Variants in ARHGAP24 observed in about 807,000 individuals in gnomAD.
ARHGAP24 encodes Rho GTPase activating protein 24, also known as rho GTPase-activating protein 24.
In ARHGAP24, 50 loss-of-function variants were observed where a neutral mutation model predicts 76.4. The ratio of observed to expected loss-of-function variants is 0.65; its 90% CI spans 0.52 to 0.83. The LOEUF (loss-of-function observed/expected upper bound fraction) is 0.83. ARHGAP24 is among the 40% of genes least tolerant of loss of function. The pLI is 0.00. For missense variants in ARHGAP24, 930 were observed against 914.2 expected (o/e 1.02, Z -0.22); for synonymous variants, 345 against 323.3 (o/e 1.07, Z -0.72).
intron 3 of ARHGAP24, among the ~76,000 whole-genome samples, chr4:85,910,093 C>T (rs897255627): frequency 3.3e-5 from 5 of 152,192 alleles, no homozygotes; most frequent in Admixed American, 6.5e-5. Context: ...CTCCAGGTGC[C>T]GGCACAGGCA....
chr4:85,661,054 C>A (rs1024044077), intron 2 of ARHGAP24, among the ~76,000 whole-genome samples: 1 of 152,066 alleles, frequency 6.6e-6, no homozygotes, highest in Non-Finnish European at 1.5e-5. Context: ...AGTAACATTG[C>A]AAAGATGATT....
At chr4:85,531,453 A>G (rs994645088) in intron 1 of ARHGAP24, among the ~76,000 whole-genome samples, 4 of 152,070 alleles carry the variant, frequency 2.6e-5, no homozygotes, top group African/African-American at 9.7e-5. Context: ...ATTCCTACTC[A>G]CAAATGACTT....
intron 2 of ARHGAP24, among the ~76,000 whole-genome samples, chr4:85,667,440 C>T (rs545463380): frequency 2.5e-4 from 38 of 152,298 alleles, no homozygotes; most frequent in African/African-American, 9.1e-4. Context: ...TCCCTGACCC[C>T]TTGTGCTTCC....
rs1472956400 is a variant in ARHGAP24, at chr4:85,612,826, G to A, written c.180+42105G>A. 6.8e-5 allele frequency among the ~76,000 whole-genome samples: 7 copies of A among 103,284 alleles called. No individual in the cohort carries two copies. The South Asian group carries it at 1.4e-3, about 21-fold the overall frequency. 67.8% of individuals were successfully genotyped at this position (103,284 alleles called of 152,430 possible). On this transcript the variant is annotated intron_variant, in intron 2 of 9. Transcript: ENST00000395184. Reference sequence around the variant, plus strand: ...TTTTTTTTTTTTTTGTGGCAATCTCGCTGTGTCGTCACCCAGGCTGCTGGT... The same window carrying A: ...TTTTTTTTTTTTTTGTGGCAATCTCACTGTGTCGTCACCCAGGCTGCTGGT...
intron 2 of ARHGAP24, among the ~76,000 whole-genome samples, chr4:85,610,412 C>G (rs1432976988): frequency 7.6e-6 from 1 of 131,018 alleles, no homozygotes; most frequent in South Asian, 2.5e-4. Flanking sequence ...CCACTGCACT[C>G]CAGCCTGGGC....
intron 1 of ARHGAP24, among the ~76,000 whole-genome samples, chr4:85,485,377 ATATATAT>A (rs1167833042): frequency 4.5e-3 from 47 of 10,366 alleles, no homozygotes; most frequent in East Asian, 0.011. Flanking sequence ...AAAAAAAAAA[ATATATAT>A]ATATATATAT....
chr4:85,640,343 C>T (rs910161126), intron 2 of ARHGAP24, among the ~76,000 whole-genome samples: 7 of 152,170 alleles, frequency 4.6e-5, no homozygotes, highest in Non-Finnish European at 7.3e-5. Flanking sequence ...CTGCTCTCTC[C>T]ATGCCACTCC....
chr4:85,689,638 C>T (rs1261603058), intron 2 of ARHGAP24, among the ~76,000 whole-genome samples: 1 of 152,144 alleles, frequency 6.6e-6, no homozygotes, highest in Non-Finnish European at 1.5e-5. Context: ...ATCTGCCCTC[C>T]TCAGCCTCCC....
At chr4:85,821,788 T>C (rs1729485399) in intron 3 of ARHGAP24, among the ~76,000 whole-genome samples, 1 of 152,206 alleles carries the variant, frequency 6.6e-6, no homozygotes. Context: ...AAAAATATAA[T>C]TTAGGTGTAT....
chr4:85,667,558 G>A (rs553105055), intron 2 of ARHGAP24, among the ~76,000 whole-genome samples: 57 of 152,318 alleles, frequency 3.7e-4, no homozygotes, highest in Non-Finnish European at 7.4e-4. Context: ...CCGTACCTCA[G>A]ATGGAAATGC....
intron 4 of ARHGAP24, among the ~76,000 whole-genome samples, chr4:85,936,818 A>G (rs1314145753): frequency 6.6e-6 from 1 of 152,170 alleles, no homozygotes; most frequent in Non-Finnish European, 1.5e-5. Context: ...CAAAGGCAGG[A>G]CCTACCTTCT....
intron 1 of ARHGAP24, among the ~76,000 whole-genome samples, chr4:85,513,313 G>A (rs908056986): frequency 5.3e-5 from 8 of 152,186 alleles, no homozygotes; most frequent in African/African-American, 1.4e-4. Context: ...CCCCATTTCA[G>A]GCACTGGAGG....
chr4:85,952,659 A>G (rs1228585038), intron 5 of ARHGAP24, among the ~76,000 whole-genome samples: 1 of 152,094 alleles, frequency 6.6e-6, no homozygotes. Context: ...TCTTTTTTCC[A>G]GTTCTGAAGT....
chr4:85,540,658 C>T (rs1173627947), intron 1 of ARHGAP24, among the ~76,000 whole-genome samples: 6 of 152,076 alleles, frequency 3.9e-5, no homozygotes, highest in African/African-American at 1.2e-4. Flanking sequence ...ATTTTCTTCA[C>T]GCCAGAAATT....
intron 8 of ARHGAP24, among the ~76,000 whole-genome samples, chr4:85,983,106 C>G (rs1007043743): frequency 6.6e-6 from 1 of 151,966 alleles, no homozygotes; most frequent in African/African-American, 2.4e-5. Flanking sequence ...GATCTCATTC[C>G]TTTTTATGGC....
At chr4:85,627,116 G>T (rs1236748234) in intron 2 of ARHGAP24, among the ~76,000 whole-genome samples, 1 of 152,148 alleles carries the variant, frequency 6.6e-6, no homozygotes, top group Non-Finnish European at 1.5e-5. Context: ...TTGCTGGTGA[G>T]GAGCTGCATT....
At chr4:85,776,255 G>A (rs1377206) in intron 3 of ARHGAP24, among the ~76,000 whole-genome samples, 142,780 of 152,186 alleles carry the variant, frequency 0.94, 67,652 homozygotes, top group East Asian at 1. Context: ...TGCCTTGCCT[G>A]TGTTAATATA....
chr4:85,881,503 T>C (rs1733252265), intron 3 of ARHGAP24, among the ~76,000 whole-genome samples: 3 of 152,112 alleles, frequency 2.0e-5, no homozygotes, highest in Admixed American at 2.0e-4. Context: ...TAATCTGGAG[T>C]AAATTTCCGT....
chr4:85,590,869 A>C (rs1728066672), intron 2 of ARHGAP24, among the ~76,000 whole-genome samples: 1 of 151,978 alleles, frequency 6.6e-6, no homozygotes, highest in African/African-American at 2.4e-5. Flanking sequence ...TTTTAAAGAA[A>C]TTTGTCATGA....
Sources: allele counts gnomAD v4.1 joint callset (sites outside exome capture counted in the v4.1 genomes callset), GRCh38; gene constraint gnomAD v4.1.1; transcripts MANE v1.5; gene names NCBI Gene and HGNC (gene_info 2026-07-23, HGNC 2026-07-21).